The following PDE11A variants were observed in gnomAD, a reference collection of about 807,000 sequenced individuals.
The protein encoded by PDE11A is phosphodiesterase 11A.
PDE11A carries 100 observed loss-of-function variants against 100.5 expected under a neutral mutation model. That is an observed-to-expected ratio of 1.00 (90% CI 0.85 to 1.18). The LOEUF (loss-of-function observed/expected upper bound fraction) is 1.18. Among genes scored for constraint, PDE11A ranks in the 50% most tolerant of loss-of-function variants. The pLI, the probability that PDE11A is intolerant of heterozygous loss-of-function variation, is 0.00. For missense variants in PDE11A, 1,141 were observed against 1,152.6 expected, an observed-to-expected ratio of 0.99 and a Z score of 0.15; for synonymous variants, 381 against 420.8, an observed-to-expected ratio of 0.91 and a Z score of 1.16.
At chr2:177,856,726 A>C (rs1173159222) in intron 5 of PDE11A, among the ~76,000 whole-genome samples, 3 of 152,082 alleles carry the variant, frequency 2.0e-5, no homozygotes, top group Admixed American at 2.0e-4. Context: ...ACTTGAAGAT[A>C]GGTCAATTCA....
chr2:177,644,959 G>A (rs1411698988), intron 19 of PDE11A, among the ~76,000 whole-genome samples: 2 of 152,196 alleles, frequency 1.3e-5, no homozygotes, highest in Non-Finnish European at 1.5e-5. Context: ...CACCATGATT[G>A]TGAGGCTTCC....
At chr2:177,727,277 C>T (rs1024445012) in intron 12 of PDE11A, among the ~76,000 whole-genome samples, 1 of 152,106 alleles carries the variant, frequency 6.6e-6, no homozygotes, top group African/African-American at 2.4e-5. Context: ...ATGTTCACAC[C>T]TCCCTACTGG....
chr2:177,953,868 A>T (rs1344656971), intron 2 of PDE11A, among the ~76,000 whole-genome samples: 1 of 152,150 alleles, frequency 6.6e-6, no homozygotes, highest in Non-Finnish European at 1.5e-5. Flanking sequence ...TTAGAAAAGG[A>T]TAGTTCGCAA....
At chr2:177,842,231 G>A (rs1042023493) in intron 5 of PDE11A, among the ~76,000 whole-genome samples, 12 of 152,196 alleles carry the variant, frequency 7.9e-5, no homozygotes, top group Admixed American at 4.6e-4. Flanking sequence ...GCTGCAGCAG[G>A]AGCTGGGGAG....
Position 177,663,762 on chromosome 2 carries a change from G to A in PDE11A, c.2646+104C>T, listed in dbSNP as rs2105478452. 5.3e-6 allele frequency: 4 copies of A among 760,734 alleles called. No homozygotes were observed. In the East Asian group the frequency reaches 1.0e-4, roughly 19 times the overall value. 47.1% of individuals were successfully genotyped at this position (760,734 alleles called of 1,614,324 possible). A position where few individuals can be genotyped will look rare whatever the true frequency, so the allele number is the denominator to read the frequency against. ...AACTGCAGCCAGAGCTCTCCGCAAT[G>A]TGCATACCCTGGAAATGTCTCCTCA... On this transcript the variant is annotated intron_variant, in intron 19 of 19. Coordinates refer to ENST00000286063, the MANE Select transcript of PDE11A (RefSeq NM_016953.4).
chr2:177,684,298 A>G (rs1258447020), intron 15 of PDE11A, among the ~76,000 whole-genome samples: 3 of 152,214 alleles, frequency 2.0e-5, no homozygotes, highest in Non-Finnish European at 4.4e-5. Context: ...GAGAATAATA[A>G]TATTGGGACT....
intron 9 of PDE11A, among the ~76,000 whole-genome samples, chr2:177,794,733 C>A (rs564935522): frequency 6.6e-6 from 1 of 152,062 alleles, no homozygotes; most frequent in Non-Finnish European, 1.5e-5. Flanking sequence ...ACCCGACAAA[C>A]GAATGTCTGC....
chr2:177,997,334 G>C, intron 2 of PDE11A: 4 of 894,208 alleles, frequency 4.5e-6, no homozygotes, highest in Non-Finnish European at 7.6e-6. Context: ...AATCTGCCTG[G>C]CATCTCTTTT....
chr2:178,039,731 T>A (rs1457611443), intron 1 of PDE11A, among the ~76,000 whole-genome samples: 2 of 151,952 alleles, frequency 1.3e-5, no homozygotes, highest in Non-Finnish European at 2.9e-5. Context: ...AATAGTAGAA[T>A]GATAAATTGT....
chr2:177,896,765 A>C (rs1005828040), intron 4 of PDE11A, among the ~76,000 whole-genome samples: 1 of 152,212 alleles, frequency 6.6e-6, no homozygotes, highest in Non-Finnish European at 1.5e-5. Flanking sequence ...TAAGATAAGG[A>C]TTAAAAGAAT....
At chr2:177,965,671 G>C (rs2085689493) in intron 2 of PDE11A, among the ~76,000 whole-genome samples, 1 of 152,056 alleles carries the variant, frequency 6.6e-6, no homozygotes, top group Admixed American at 6.6e-5. Context: ...GATAGTTGTA[G>C]GTGTGTGGCT....
chr2:177,714,636 A>G (rs565771324), intron 12 of PDE11A, among the ~76,000 whole-genome samples: 19 of 152,150 alleles, frequency 1.2e-4, no homozygotes, highest in Admixed American at 7.2e-4. Flanking sequence ...CACACTCCCA[A>G]TGTGATCCAC....
At chr2:177,883,145 T>C (rs543927211) in intron 4 of PDE11A, among the ~76,000 whole-genome samples, 1 of 151,912 alleles carries the variant, frequency 6.6e-6, no homozygotes, top group Non-Finnish European at 1.5e-5. Flanking sequence ...GGCATGCACC[T>C]GTAATCCCAG....
At chr2:177,846,538 CT>C (rs1487657294) in intron 5 of PDE11A, among the ~76,000 whole-genome samples, 1 of 152,198 alleles carries the variant, frequency 6.6e-6, no homozygotes, top group African/African-American at 2.4e-5. Flanking sequence ...TCACCTCCCC[CT>C]GATTTATGAG....
chr2:177,896,948 G>A (rs1008053694), intron 4 of PDE11A, among the ~76,000 whole-genome samples: 2 of 151,954 alleles, frequency 1.3e-5, no homozygotes, highest in African/African-American at 4.8e-5. Context: ...CCCAATCTCT[G>A]CTAAAATCTG....
intron 2 of PDE11A, among the ~76,000 whole-genome samples, chr2:178,086,298 C>G (rs976831068): frequency 6.6e-6 from 1 of 152,188 alleles, no homozygotes; most frequent in African/African-American, 2.4e-5. Context: ...TCACTTCTAT[C>G]ACATCCTATT....
In PDE11A at chr2:177,875,877, C is replaced by A; in HGVS notation, c.1349G>T (p.Ser450Ile). 3.7e-6 allele frequency: 6 copies of A among 1,611,912 alleles called. No homozygotes were observed. Among genetic ancestry groups the A allele is most frequent in the Non-Finnish European group, 5.1e-6 (6 of 1,178,004 alleles). Residue 450 changes from serine to isoleucine, a missense_variant, in exon 5 of 20, where the codon AGT (serine) becomes ATT (isoleucine). Ser to Ile is a moderately radical substitution (Grantham distance 142, BLOSUM62 -2). Coordinates refer to ENST00000286063, the MANE Select transcript of PDE11A (RefSeq NM_016953.4). ...KSFELMSPKC[S>I]ADAENSFKES... Reference sequence around the variant, plus strand: ...GCCCTACCTGTTCTCAGCATCAGCACTGCACTTTGGGGACATCAATTCAAA... The same window carrying A: ...GCCCTACCTGTTCTCAGCATCAGCAATGCACTTTGGGGACATCAATTCAAA...
chr2:177,859,531 C>G (rs146217969), intron 5 of PDE11A, among the ~76,000 whole-genome samples: 7 of 151,912 alleles, frequency 4.6e-5, no homozygotes, highest in Admixed American at 6.6e-5. Context: ...AATAGTGGAG[C>G]CTTCAACATC....
intron 18 of PDE11A, among the ~76,000 whole-genome samples, chr2:177,666,475 C>T (rs1283961528): frequency 6.6e-6 from 1 of 152,206 alleles, no homozygotes; most frequent in African/African-American, 2.4e-5. Flanking sequence ...AATTGACAAA[C>T]TGTTTTTCAA....
Sources: gnomAD v4.1 joint callset for allele counts (sites outside exome capture counted in the v4.1 genomes callset) on GRCh38, gnomAD v4.1.1 for gene constraint, MANE v1.5 for transcripts, NCBI Gene and HGNC (gene_info 2026-07-23, HGNC 2026-07-21) for gene names.